The following SLC25A13 variants were observed in gnomAD, a reference collection of about 807,000 sequenced individuals.
The protein encoded by SLC25A13 is electrogenic aspartate/glutamate antiporter SLC25A13, mitochondrial.
Under a neutral mutation model 85.5 loss-of-function variants are expected in SLC25A13, and 70 were observed. That is an observed-to-expected ratio of 0.82 (90% confidence interval 0.68 to 1.00). SLC25A13 has a LOEUF of 1.00. Ranked by LOEUF, SLC25A13 falls within the 50% of genes least tolerant of loss-of-function variation. The pLI is 0.00. For missense variants in SLC25A13, 765 were observed against 819.8 expected (o/e 0.93, Z 0.82); for synonymous variants, 259 against 288.7 (o/e 0.90, Z 1.04).
intron 1 of SLC25A13, among the ~76,000 whole-genome samples, chr7:96,319,204 A>G (rs983897606): frequency 5.3e-5 from 8 of 152,200 alleles, no homozygotes; most frequent in Non-Finnish European, 1.2e-4. Flanking sequence ...CCACAGACAT[A>G]TATCTGTGGT....
intron 5 of SLC25A13, among the ~76,000 whole-genome samples, chr7:96,203,901 G>A (rs1324217950): frequency 6.6e-6 from 1 of 152,154 alleles, no homozygotes; most frequent in African/African-American, 2.4e-5. Context: ...CAGATGCATG[G>A]TAACTTCTAG....
chr7:96,179,222 C>T (rs565060014), intron 11 of SLC25A13, among the ~76,000 whole-genome samples: 3 of 152,322 alleles, frequency 2.0e-5, no homozygotes, highest in African/African-American at 4.8e-5. Flanking sequence ...TACATGAGAA[C>T]GTTCAGGATC....
intron 13 of SLC25A13, among the ~76,000 whole-genome samples, chr7:96,159,093 A>G (rs1248875810): frequency 2.6e-5 from 4 of 152,188 alleles, no homozygotes; most frequent in African/African-American, 9.7e-5. Context: ...CAACCTCACA[A>G]AGAAGCTGGC....
chr7:96,244,982 G>A (rs1158597821), intron 3 of SLC25A13, among the ~76,000 whole-genome samples: 2 of 151,546 alleles, frequency 1.3e-5, no homozygotes, highest in Non-Finnish European at 2.9e-5. Flanking sequence ...ATAGGCTCTC[G>A]TAATTGTGAG....
intron 15 of SLC25A13, among the ~76,000 whole-genome samples, chr7:96,124,237 C>T (rs917687029): frequency 6.6e-6 from 1 of 152,146 alleles, no homozygotes; most frequent in Non-Finnish European, 1.5e-5. Flanking sequence ...ATAAATATCC[C>T]ATTTATATTT....
intron 5 of SLC25A13, among the ~76,000 whole-genome samples, chr7:96,208,600 A>C (rs545776520): frequency 1.3e-5 from 2 of 151,692 alleles, no homozygotes; most frequent in Admixed American, 6.6e-5. Flanking sequence ...CCACCTCCCA[A>C]GTTCACACCA....
At chr7:96,189,507 C>T in intron 8 of SLC25A13, 74 bp downstream of exon 8, 1 of 1,543,670 alleles carries the variant, frequency 6.5e-7, no homozygotes, top group Non-Finnish European at 8.9e-7. Flanking sequence ...TTCTTTTTCT[C>T]CTGATTGCTG....
intron 11 of SLC25A13, among the ~76,000 whole-genome samples, chr7:96,183,790 C>T (rs1164010065): frequency 6.6e-6 from 1 of 152,154 alleles, no homozygotes; most frequent in African/African-American, 2.4e-5. Flanking sequence ...GTGTGTGAAT[C>T]AACTCCATTG....
At chr7:96,163,839 C>A (rs896149370) in intron 13 of SLC25A13, among the ~76,000 whole-genome samples, 7 of 152,136 alleles carry the variant, frequency 4.6e-5, no homozygotes, top group African/African-American at 1.7e-4. Flanking sequence ...TACACCTATT[C>A]CATTCCCCTT....
intron 3 of SLC25A13, among the ~76,000 whole-genome samples, chr7:96,267,941 A>G (rs1243428633): frequency 6.6e-6 from 1 of 152,166 alleles, no homozygotes; most frequent in Non-Finnish European, 1.5e-5. Context: ...TCCCTTTTCC[A>G]AAAGAAGTGC....
intron 1 of SLC25A13, among the ~76,000 whole-genome samples, chr7:96,305,451 T>A (rs896188849): frequency 6.6e-6 from 1 of 152,236 alleles, no homozygotes; most frequent in Non-Finnish European, 1.5e-5. Flanking sequence ...TTATGCTGAA[T>A]TCAGTCTCAA....
At position 96,120,658 on chromosome 7, in the gene SLC25A13, T is replaced by C. The variant is rs954232609; in HGVS notation, c.*533A>G. The C allele has an allele frequency of 2.9e-5, 13 of 454,398 alleles. No homozygotes were observed. In the East Asian group the frequency reaches 9.0e-4, roughly 32 times the overall value. The allele number at this position is 454,398 out of a possible 1,614,324, so 28.1% of individuals were successfully genotyped here. On this transcript the variant is annotated 3_prime_UTR_variant, in exon 18 of 18. Coordinates refer to ENST00000265631, the MANE Select transcript of SLC25A13 (RefSeq NM_014251.3). ...TCATTACAAAGAAACATGTTTCACATAAAAGCTTCATAATATAATCCAGAG... is the reference window on the plus strand; with the variant it reads ...TCATTACAAAGAAACATGTTTCACACAAAAGCTTCATAATATAATCCAGAG...
intron 2 of SLC25A13, among the ~76,000 whole-genome samples, chr7:96,290,784 C>A (rs2116978858): frequency 6.6e-6 from 1 of 152,186 alleles, no homozygotes; most frequent in East Asian, 1.9e-4. Flanking sequence ...TAAAGCAAGT[C>A]CTGAGTGACC....
intron 5 of SLC25A13, among the ~76,000 whole-genome samples, chr7:96,196,368 A>G (rs758645512): frequency 6.6e-6 from 1 of 152,178 alleles, no homozygotes; most frequent in Non-Finnish European, 1.5e-5. Flanking sequence ...CATCTTAGAG[A>G]TCCTCAGACA....
At chr7:96,156,516 A>T (rs1332759471) in intron 13 of SLC25A13, among the ~76,000 whole-genome samples, 2 of 151,684 alleles carry the variant, frequency 1.3e-5, no homozygotes, top group African/African-American at 4.8e-5. Context: ...CAGTGGCATG[A>T]TCTTAGCTCA....
chr7:96,130,130 C>A (rs770300610), intron 15 of SLC25A13, among the ~76,000 whole-genome samples: 2 of 152,016 alleles, frequency 1.3e-5, no homozygotes, highest in Non-Finnish European at 2.9e-5. Flanking sequence ...CCAGTCATTT[C>A]TATAGCTCTG....
chr7:96,306,678 T>G, intron 1 of SLC25A13: 1 of 745,182 alleles, frequency 1.3e-6, no homozygotes, highest in Non-Finnish European at 2.1e-6. Context: ...TCTCCTAGGA[T>G]GGGAGTACAG....
intron 1 of SLC25A13, chr7:96,306,913 G>GCCC: frequency 9.7e-7 from 1 of 1,031,896 alleles, no homozygotes; most frequent in Non-Finnish European, 1.5e-6. Flanking sequence ...CCCTTCACTT[G>GCCC]TGTGCCTGGA....
intron 4 of SLC25A13, among the ~76,000 whole-genome samples, chr7:96,222,472 A>G (rs2116766738): frequency 6.6e-6 from 1 of 152,292 alleles, no homozygotes; most frequent in Admixed American, 6.5e-5. Context: ...TTTGAGACAG[A>G]ATATTGCTCT....
Sources: gnomAD v4.1 joint callset for allele counts (sites outside exome capture counted in the v4.1 genomes callset) on GRCh38, gnomAD v4.1.1 for gene constraint, MANE v1.5 for transcripts, NCBI Gene and HGNC (gene_info 2026-07-23, HGNC 2026-07-21) for gene names.